The following FNDC3A variants were observed in gnomAD, a reference collection of about 807,000 sequenced individuals.
The protein encoded by FNDC3A is fibronectin type-III domain-containing protein 3A.
A neutral mutation model predicts 148.9 loss-of-function variants in FNDC3A; 32 were observed. The ratio of observed to expected loss-of-function variants is 0.21; its 90% confidence interval spans 0.16 to 0.29. The LOEUF (loss-of-function observed/expected upper bound fraction) is 0.29. FNDC3A is among the 10% of genes least tolerant of loss of function. The probability of loss-of-function intolerance (pLI) is 1.00; values close to 1 mark genes in which losing one functional copy is unlikely to be tolerated. For synonymous variants in FNDC3A, 472 were observed against 473.6 expected (o/e 1.00, Z 0.04); for missense variants, 1,191 against 1,452.8 (o/e 0.82, Z 2.93).
At chr13:49,187,825 C>T (rs565672701) in intron 16 of FNDC3A, among the ~76,000 whole-genome samples, 16 of 151,580 alleles carry the variant, frequency 1.1e-4, no homozygotes, top group African/African-American at 3.9e-4. Context: ...TTGTGATTTC[C>T]AGAAATACAG....
chr13:49,074,699 G>A (rs1318782278), intron 2 of FNDC3A, among the ~76,000 whole-genome samples: 3 of 152,070 alleles, frequency 2.0e-5, no homozygotes, highest in African/African-American at 4.8e-5. Flanking sequence ...TTAATCCTGT[G>A]CAGCATAAGA....
chr13:49,200,382 T>C (rs1448061509), intron 23 of FNDC3A, among the ~76,000 whole-genome samples: 3 of 152,194 alleles, frequency 2.0e-5, no homozygotes. Flanking sequence ...TATCGATGAA[T>C]GTTAGCCTTT....
At chr13:48,985,505 T>G (rs554187428) in intron 1 of FNDC3A, among the ~76,000 whole-genome samples, 1 of 152,294 alleles carries the variant, frequency 6.6e-6, no homozygotes, top group Admixed American at 6.5e-5. Context: ...AGATCATCAT[T>G]AGAACAGTTA....
chr13:49,013,239 T>C (rs979602286), intron 2 of FNDC3A, among the ~76,000 whole-genome samples: 1 of 152,008 alleles, frequency 6.6e-6, no homozygotes, highest in African/African-American at 2.4e-5. Flanking sequence ...CACTTGAGCC[T>C]GGGGGGTTGA....
At chr13:49,013,791 C>G (rs1046223526) in intron 2 of FNDC3A, among the ~76,000 whole-genome samples, 6 of 136,994 alleles carry the variant, frequency 4.4e-5, no homozygotes, top group Non-Finnish European at 9.3e-5. Context: ...TGTTCCCCTT[C>G]CTGTGTCCAT....
rs117913180 is a variant in FNDC3A, at chr13:49,002,498, G to A, written c.-39-3654G>A. Among the ~76,000 whole-genome samples the A allele has an allele frequency of 2.9e-3, 438 of 152,148 alleles. 3 individuals are homozygous for A. Among genetic ancestry groups the A allele is most frequent in the South Asian group, 0.019 (91 of 4,808 alleles). On this transcript the variant is annotated intron_variant, in intron 1 of 25. Transcript: ENST00000492622. Reference sequence around the variant, plus strand: ...GAAGTGCATATATAATCAGTATACAGCTTAGTAAATAACTTAATGGTAATC... The same window carrying A: ...GAAGTGCATATATAATCAGTATACAACTTAGTAAATAACTTAATGGTAATC...
At position 49,188,794 on chromosome 13, in the gene FNDC3A, G is replaced by A. The variant is rs560449952; in HGVS notation, c.1944+161G>A. ...TTGATAGTGACCAAAATATTCTAATGTGGTACTTAGCTCACAGTAAGTATT... is the reference window on the plus strand; with the variant it reads ...TTGATAGTGACCAAAATATTCTAATATGGTACTTAGCTCACAGTAAGTATT... On this transcript the variant is annotated intron_variant, in intron 17 of 25. Transcript: ENST00000492622. Among the ~76,000 whole-genome samples the A allele has an allele frequency of 1.3e-5, 2 of 152,328 alleles. 1 individual carries two copies. The highest frequency in any genetic ancestry group is 4.1e-4 in the South Asian group (2 of 4,824).
intron 3 of FNDC3A, among the ~76,000 whole-genome samples, chr13:49,100,661 G>A (rs1025748371): frequency 1.3e-5 from 2 of 152,004 alleles, no homozygotes; most frequent in African/African-American, 4.8e-5. Flanking sequence ...CCTTCTATCC[G>A]TTCTTAATTT....
At chr13:49,109,547 T>G (rs1040546301) in intron 3 of FNDC3A, among the ~76,000 whole-genome samples, 1 of 152,172 alleles carries the variant, frequency 6.6e-6, no homozygotes, top group African/African-American at 2.4e-5. Flanking sequence ...TAATGAAAGA[T>G]CTCCAAAAGT....
chr13:49,019,170 C>T (rs1873087258), intron 2 of FNDC3A, among the ~76,000 whole-genome samples: 1 of 152,258 alleles, frequency 6.6e-6, no homozygotes, highest in African/African-American at 2.4e-5. Flanking sequence ...CCTGAGCAAG[C>T]CTGGGCAATG....
chr13:49,084,015 G>T (rs1878649374), intron 3 of FNDC3A, among the ~76,000 whole-genome samples: 1 of 152,144 alleles, frequency 6.6e-6, no homozygotes, highest in Admixed American at 6.5e-5. Flanking sequence ...CTGTGCACAG[G>T]CACATAAGGT....
intron 3 of FNDC3A, among the ~76,000 whole-genome samples, chr13:49,108,178 G>C (rs1731770404): frequency 6.6e-6 from 1 of 152,124 alleles, no homozygotes; most frequent in African/African-American, 2.4e-5. Flanking sequence ...AAAGACACGA[G>C]TTCAAGGAAT....
intron 2 of FNDC3A, 82 bp from the exon 3 acceptor site, chr13:49,075,207 C>A: frequency 1.3e-6 from 1 of 773,448 alleles, no homozygotes; most frequent in Admixed American, 2.2e-5. Flanking sequence ...GGTTAAATAG[C>A]TTATATCTGC....
intron 1 of FNDC3A, among the ~76,000 whole-genome samples, chr13:48,996,361 T>G (rs1051385543): frequency 2.0e-5 from 3 of 152,184 alleles, no homozygotes; most frequent in South Asian, 2.1e-4. Context: ...CTTCCATTTT[T>G]GGGGGTTTCA....
In FNDC3A at chr13:49,190,982, A is replaced by C. The variant is rs531935090; in HGVS notation, c.1945-33A>C. On this transcript the variant is annotated intron_variant, in intron 17 of 25. Transcript: ENST00000492622. Reference sequence around the variant, plus strand: ...CAATCTGATTATTTGGTTTTGGGGCATTTTTGTTTTCTTTTTGCTTTTGTT... The same window carrying C: ...CAATCTGATTATTTGGTTTTGGGGCCTTTTTGTTTTCTTTTTGCTTTTGTT... The C allele has an allele frequency of 2.7e-6, 4 of 1,497,984 alleles. No homozygotes were observed. The East Asian group carries it at 9.1e-5, about 34-fold the overall frequency. 92.8% of individuals were successfully genotyped at this position (1,497,984 alleles called of 1,614,324 possible).
intron 19 of FNDC3A, among the ~76,000 whole-genome samples, chr13:49,194,631 T>C (rs1361387506): frequency 1.3e-5 from 2 of 152,210 alleles, no homozygotes; most frequent in African/African-American, 2.4e-5. Flanking sequence ...CTGAAGACTT[T>C]AAACATTTGA....
At chr13:49,070,797 A>G (rs1412537023) in intron 2 of FNDC3A, among the ~76,000 whole-genome samples, 5 of 151,792 alleles carry the variant, frequency 3.3e-5, no homozygotes. Context: ...GAGAACATGC[A>G]ATATTTATGT....
intron 2 of FNDC3A, among the ~76,000 whole-genome samples, chr13:49,065,563 T>G (rs1877209161): frequency 6.6e-6 from 1 of 152,210 alleles, no homozygotes; most frequent in Admixed American, 6.5e-5. Flanking sequence ...TATACTACAT[T>G]GTTGGATTTC....
At chr13:49,179,826 T>C (rs1885217210) in intron 14 of FNDC3A, among the ~76,000 whole-genome samples, 1 of 152,208 alleles carries the variant, frequency 6.6e-6, no homozygotes, top group Non-Finnish European at 1.5e-5. Context: ...AAACTTTACC[T>C]TCTTCAACTC....
Sources: gnomAD v4.1 joint callset for allele counts (sites outside exome capture counted in the v4.1 genomes callset) on GRCh38, gnomAD v4.1.1 for gene constraint, MANE v1.5 for transcripts, NCBI Gene and HGNC (gene_info 2026-07-23, HGNC 2026-07-21) for gene names.